Variants in KIAA1549L observed in about 807,000 individuals in gnomAD.
KIAA1549L encodes the protein KIAA1549 like.
In KIAA1549L, 88 loss-of-function variants were observed where a neutral mutation model predicts 160.7. The ratio of observed to expected loss-of-function variants is 0.55; its 90% confidence interval spans 0.46 to 0.65. The LOEUF (loss-of-function observed/expected upper bound fraction) is 0.65, where lower values mean the gene tolerates loss of function less well. Among genes scored for constraint, KIAA1549L ranks in the 30% least tolerant of loss-of-function variants. The probability of loss-of-function intolerance (pLI) is 0.00; values close to 1 mark genes in which losing one functional copy is unlikely to be tolerated. For synonymous variants in KIAA1549L, 950 were observed against 976.7 expected (o/e 0.97, Z 0.51); for missense variants, 2,258 against 2,437.5 (o/e 0.93, Z 1.55).
intron 1 of KIAA1549L, among the ~76,000 whole-genome samples, chr11:33,526,466 C>T (rs1853614457): frequency 6.6e-6 from 1 of 152,228 alleles, no homozygotes. Flanking sequence ...GTATCCATAG[C>T]TGGGAGACCT....
intron 1 of KIAA1549L, among the ~76,000 whole-genome samples, chr11:33,507,973 A>G (rs1375804835): frequency 2.0e-5 from 3 of 152,192 alleles, no homozygotes; most frequent in African/African-American, 7.2e-5. Flanking sequence ...TAACTGTCAA[A>G]AACTATCTTG....
chr11:33,403,511 CAT>C (rs1436589190), intron 1 of KIAA1549L: 3 of 150,106 alleles, frequency 2.0e-5, no homozygotes, highest in Non-Finnish European at 4.4e-5. Context: ...CACAGACACA[CAT>C]GGACAGACAC....
chr11:33,455,136 G>A (rs576600910), intron 1 of KIAA1549L, among the ~76,000 whole-genome samples: 26 of 151,992 alleles, frequency 1.7e-4, no homozygotes, highest in Non-Finnish European at 3.7e-4. Flanking sequence ...CAAAAAAACC[G>A]TTTAGCAAAA....
At chr11:33,450,261 A>G (rs1851693144) in intron 1 of KIAA1549L, among the ~76,000 whole-genome samples, 2 of 152,120 alleles carry the variant, frequency 1.3e-5, no homozygotes, top group South Asian at 2.1e-4. Context: ...TCAAAGACGT[A>G]TCCGTAGAAA....
chr11:33,446,406 T>C (rs1281225649), intron 1 of KIAA1549L, among the ~76,000 whole-genome samples: 1 of 152,162 alleles, frequency 6.6e-6, no homozygotes, highest in Non-Finnish European at 1.5e-5. Flanking sequence ...TTTTTGTTTT[T>C]TGTTTTTTTC....
At chr11:33,504,091 T>C (rs572972961) in intron 1 of KIAA1549L, among the ~76,000 whole-genome samples, 28 of 152,154 alleles carry the variant, frequency 1.8e-4, no homozygotes, top group African/African-American at 6.7e-4. Flanking sequence ...GAAACCCCCA[T>C]CTCTACTAAA....
chr11:33,606,234 C>T (rs1396621522), intron 13 of KIAA1549L, among the ~76,000 whole-genome samples: 1 of 152,148 alleles, frequency 6.6e-6, no homozygotes, highest in Non-Finnish European at 1.5e-5. Flanking sequence ...TGAACCTGAA[C>T]TGAATGCTGT....
chr11:33,530,435 AAATATATATATATATATATATATATATAT>A lies in KIAA1549L; in HGVS notation c.239-11365_239-11337del, dbSNP rs1374057103. ...GAAGGAAAAAAAAAAAAAAAAAAAA[AAATATATATATATATATATATATATATAT>A]ATATATATATATATATATATGCAAG... On this transcript the variant is annotated intron_variant, in intron 1 of 20. Coordinates refer to ENST00000658780, the MANE Select transcript of KIAA1549L (RefSeq NM_012194.3). 6.5e-3 allele frequency among the ~76,000 whole-genome samples: 46 copies of A among 7,072 alleles called. 3 individuals are homozygous for A. The East Asian group carries it at 0.088, about 13-fold the overall frequency. The allele number at this position is 7,072 out of a possible 152,430, so 4.6% of individuals were successfully genotyped here. A position where few individuals can be genotyped will look rare whatever the true frequency, so the allele number is the denominator to read the frequency against.
intron 1 of KIAA1549L, among the ~76,000 whole-genome samples, chr11:33,452,745 A>G (rs912194158): frequency 6.6e-6 from 1 of 152,138 alleles, no homozygotes; most frequent in Non-Finnish European, 1.5e-5. Context: ...CTCCTGCTCC[A>G]TAGTTCAGCC....
intron 1 of KIAA1549L, among the ~76,000 whole-genome samples, chr11:33,417,413 C>G (rs1259390567): frequency 6.6e-6 from 1 of 152,124 alleles, no homozygotes; most frequent in East Asian, 1.9e-4. Flanking sequence ...TTATTCTGTT[C>G]TATTTCATTT....
At chr11:33,470,431 A>C (rs751070546) in intron 1 of KIAA1549L, among the ~76,000 whole-genome samples, 1 of 151,678 alleles carries the variant, frequency 6.6e-6, no homozygotes, top group South Asian at 2.1e-4. Context: ...CTTTATAGTA[A>C]GTGTTTGTTT....
At chr11:33,568,035 G>A (rs750341994) in intron 8 of KIAA1549L, 41 bp from the exon 9 acceptor site, 3 of 1,543,484 alleles carry the variant, frequency 1.9e-6, no homozygotes, top group Admixed American at 3.8e-5. Context: ...TCAGCAGAAA[G>A]TCTGCCTTCT....
intron 10 of KIAA1549L, among the ~76,000 whole-genome samples, chr11:33,580,091 C>T (rs1855584306): frequency 6.6e-6 from 1 of 152,194 alleles, no homozygotes; most frequent in African/African-American, 2.4e-5. Flanking sequence ...ACCCCATCAC[C>T]TCTGGGTGAC....
chr11:33,507,901 A>G (rs1853129251), intron 1 of KIAA1549L, among the ~76,000 whole-genome samples: 1 of 152,184 alleles, frequency 6.6e-6, no homozygotes, highest in Admixed American at 6.5e-5. Context: ...TGTTAGTACT[A>G]CATTTGCTTA....
intron 17 of KIAA1549L, among the ~76,000 whole-genome samples, chr11:33,647,905 ATT>A (rs1453021627): frequency 6.6e-6 from 1 of 152,242 alleles, no homozygotes; most frequent in Non-Finnish European, 1.5e-5. Context: ...TTATATATAT[ATT>A]ATAAATGAAG....
chr11:33,547,234 A>G (rs1257819377), intron 3 of KIAA1549L, among the ~76,000 whole-genome samples: 1 of 152,140 alleles, frequency 6.6e-6, no homozygotes, highest in African/African-American at 2.4e-5. Context: ...CCATCCCTTT[A>G]CCAAACTCAG....
intron 1 of KIAA1549L, among the ~76,000 whole-genome samples, chr11:33,454,687 G>C (rs944694457): frequency 2.0e-5 from 3 of 152,100 alleles, no homozygotes; most frequent in Non-Finnish European, 4.4e-5. Flanking sequence ...TTTTAGAGAG[G>C]CATCCATCCT....
intron 18 of KIAA1549L, among the ~76,000 whole-genome samples, chr11:33,657,801 C>CA (rs1428777035): frequency 6.6e-6 from 1 of 151,884 alleles, no homozygotes; most frequent in African/African-American, 2.4e-5. Flanking sequence ...TGTCTCAAAA[C>CA]AAAAAAATAA....
At chr11:33,386,775 A>G (rs1485438809) in intron 1 of KIAA1549L, among the ~76,000 whole-genome samples, 1 of 151,482 alleles carries the variant, frequency 6.6e-6, no homozygotes, top group Non-Finnish European at 1.5e-5. Context: ...GTTTTGCTAA[A>G]AGGTGTCTGG....
Sources: allele counts gnomAD v4.1 joint callset (sites outside exome capture counted in the v4.1 genomes callset), GRCh38; gene constraint gnomAD v4.1.1; transcripts MANE v1.5; gene names NCBI Gene and HGNC (gene_info 2026-07-23, HGNC 2026-07-21).